PTGFR: variants seen among roughly 807,000 people sequenced by gnomAD.
PTGFR encodes the protein prostaglandin F2-alpha receptor.
PTGFR carries 15 observed loss-of-function variants against 26.2 expected under a neutral mutation model. That is an observed-to-expected ratio of 0.57 (90% CI 0.38 to 0.88). PTGFR has a LOEUF of 0.88. PTGFR is among the 40% of genes least tolerant of loss of function. PTGFR has a pLI of 0.00. For synonymous variants in PTGFR, 165 were observed against 151.1 expected, an observed-to-expected ratio of 1.09 and a Z score of -0.68; for missense variants, 369 against 427.2, an observed-to-expected ratio of 0.86 and a Z score of 1.20.
At chr1:78,519,212 C>T (rs1650167169) in intron 2 of PTGFR, among the ~76,000 whole-genome samples, 1 of 152,132 alleles carries the variant, frequency 6.6e-6, no homozygotes, top group African/African-American at 2.4e-5. Context: ...CAAGTCTATA[C>T]TTGAACCTCT....
At chr1:78,516,142 A>G (rs536164854) in intron 2 of PTGFR, among the ~76,000 whole-genome samples, 1 of 152,176 alleles carries the variant, frequency 6.6e-6, no homozygotes, top group Non-Finnish European at 1.5e-5. Flanking sequence ...CACAACTCCT[A>G]CTATATGCCA....
chr1:78,531,258 T>A (rs1338304990), intron 2 of PTGFR, among the ~76,000 whole-genome samples: 1 of 152,174 alleles, frequency 6.6e-6, no homozygotes, highest in Non-Finnish European at 1.5e-5. Context: ...GATGCAGGGA[T>A]GGCAGAGCTT....
At position 78,493,065 on chromosome 1, in the gene PTGFR, T is replaced by G; in HGVS notation, c.322T>G (p.Cys108Gly). The change falls in exon 2 of 3, where the codon TGC becomes GGC. Residue 108 changes from cysteine to glycine, a missense_variant. Coordinates refer to ENST00000370757, the MANE Select transcript of PTGFR (RefSeq NM_000959.4). ...WIRFDQSNVL[C>G]SIFGICMVFS... Reference sequence around the variant, plus strand: ...CCGCTTTGACCAATCAAATGTCCTTTGCAGTATTTTTGGTATCTGCATGGT... The same window carrying G: ...CCGCTTTGACCAATCAAATGTCCTTGGCAGTATTTTTGGTATCTGCATGGT... The G allele has an allele frequency of 1.2e-6, 2 of 1,614,268 alleles. No homozygotes were observed.
In PTGFR at chr1:78,493,284, G is replaced by A. The variant is rs1291670072; in HGVS notation, c.541G>A (p.Ala181Thr). The stretch of plus-strand genomic sequence containing the variant: ...TGGACATCGAGACTATAAAATTCAG[G>A]CGTCGAGGACCTGGTGTTTCTACAA... ...ILGHRDYKIQ[A>T]SRTWCFYNTE... Residue 181 changes from alanine to threonine, a missense_variant, in exon 2 of 3, where the codon GCG becomes ACG. Ala to Thr is a moderately conservative substitution (Grantham distance 58). Coordinates refer to ENST00000370757, the MANE Select transcript of PTGFR (RefSeq NM_000959.4). The A allele has an allele frequency of 1.2e-6, 2 of 1,614,160 alleles. No homozygotes were observed. Among genetic ancestry groups the A allele is most frequent in the Admixed American group, 3.3e-5 (2 of 60,026 alleles).
intron 2 of PTGFR, among the ~76,000 whole-genome samples, chr1:78,524,717 C>T (rs146099891): frequency 9.2e-5 from 14 of 151,986 alleles, no homozygotes; most frequent in South Asian, 8.3e-4. Context: ...TTATCTTGGG[C>T]GAATCACCTT....
At chr1:78,524,906 ATTTTTTTTTTTTTTTTTTTTT>A (rs35641651) in intron 2 of PTGFR, among the ~76,000 whole-genome samples, 2 of 70,484 alleles carry the variant, frequency 2.8e-5, no homozygotes, top group Non-Finnish European at 5.3e-5. Flanking sequence ...CAAATGCAAG[ATTTTTTTTTTTTTTTTTTTTT>A]TTTTTTTTTT....
rs373892405 is a variant in PTGFR at position 78,501,963 on chromosome 1, C to A, written c.798+8422C>A. On this transcript the variant is annotated intron_variant, in intron 2 of 2. Transcript: ENST00000370757. ...AAAGTTTATTGGTATTAATGCTGCC[C>A]ACCATCCCAATGAAAAATAATCATC... Among the ~76,000 whole-genome samples, 39 of 152,222 alleles carry A rather than the reference C, an allele frequency of 2.6e-4. 1 individual carries two copies. The South Asian group carries it at 7.9e-3, about 31-fold the overall frequency.
intron 2 of PTGFR, among the ~76,000 whole-genome samples, chr1:78,512,115 A>G (rs976993436): frequency 9.2e-5 from 14 of 152,114 alleles, no homozygotes; most frequent in African/African-American, 3.4e-4. Context: ...CAACCATTTA[A>G]TCAGTCTCTA....
chr1:78,515,860 A>G (rs1255186507), intron 2 of PTGFR, among the ~76,000 whole-genome samples: 1 of 152,208 alleles, frequency 6.6e-6, no homozygotes, highest in African/African-American at 2.4e-5. Context: ...GAAAAGTTCA[A>G]GAAAAATGCA....
Position 78,507,957 on chromosome 1 carries a change from T to C in PTGFR, c.798+14416T>C, listed in dbSNP as rs114274057. On this transcript the variant is annotated intron_variant, in intron 2 of 2. Coordinates refer to ENST00000370757, the MANE Select transcript of PTGFR (RefSeq NM_000959.4). The stretch of plus-strand genomic sequence containing the variant: ...ACTTTATTCTATTTTGTTTTCTTCA[T>C]TTACTTGTATAAAGAAGGAGTTTGA... Among the ~76,000 whole-genome samples, 125 of 152,360 alleles carry C rather than the reference T, an allele frequency of 8.2e-4. 1 individual carries two copies. Among genetic ancestry groups the C allele is most frequent in the African/African-American group, 2.3e-3 (96 of 41,594 alleles).
chr1:78,511,517 A>G (rs1338688206), intron 2 of PTGFR, among the ~76,000 whole-genome samples: 1 of 150,854 alleles, frequency 6.6e-6, no homozygotes, highest in Non-Finnish European at 1.5e-5. Context: ...GTGAGGCTGC[A>G]CATGGCAGTG....
chr1:78,502,381 C>A (rs549096193), intron 2 of PTGFR, among the ~76,000 whole-genome samples: 2 of 152,218 alleles, frequency 1.3e-5, no homozygotes, highest in East Asian at 3.9e-4. Flanking sequence ...GTGTCTGTAG[C>A]CACTCTGTGC....
In PTGFR at chr1:78,492,777, C is replaced by T. The variant is rs2100343890; in HGVS notation, c.34C>T (p.Pro12Ser). Reference protein sequence around the residue: ...SMNNSKQLVSPAAALLSNTTC... With the variant: ...SMNNSKQLVSSAAALLSNTTC... ...GAACAATTCCAAACAGCTAGTGTCT[C>T]CTGCAGCTGCGCTTCTTTCAAACAC... The change falls in exon 2 of 3, where the codon CCT (proline) becomes TCT (serine). Residue 12 changes from proline to serine, a missense_variant. By Grantham distance (74) the Pro-to-Ser change is moderately conservative. Transcript: ENST00000370757. The T allele has an allele frequency of 2.5e-6, 4 of 1,614,020 alleles. No homozygotes were observed. Among genetic ancestry groups the T allele is most frequent in the Non-Finnish European group, 3.4e-6 (4 of 1,179,942 alleles).
chr1:78,500,684 G>GAGCCTACCTTAGGTA (rs1323380910), intron 2 of PTGFR, among the ~76,000 whole-genome samples: 1 of 152,210 alleles, frequency 6.6e-6, no homozygotes, highest in Non-Finnish European at 1.5e-5. Flanking sequence ...ATTGCCTCCA[G>GAGCCTACCTTAGGTA]AGCCTACCTT....
chr1:78,525,464 G>A (rs530171609), intron 2 of PTGFR, among the ~76,000 whole-genome samples: 4 of 152,118 alleles, frequency 2.6e-5, no homozygotes, highest in African/African-American at 9.6e-5. Context: ...GTCTGGGTGG[G>A]TCCCAAACAC....
At chr1:78,516,785 A>T (rs1027162740) in intron 2 of PTGFR, among the ~76,000 whole-genome samples, 3 of 152,014 alleles carry the variant, frequency 2.0e-5, no homozygotes, top group Non-Finnish European at 4.4e-5. Context: ...TTTCTCTCCT[A>T]TTCTGTCATT....
chr1:78,522,226 T>C (rs1390469781), intron 2 of PTGFR, among the ~76,000 whole-genome samples: 8 of 152,018 alleles, frequency 5.3e-5, no homozygotes, highest in African/African-American at 1.4e-4. Flanking sequence ...AAATGTGCAG[T>C]GAATCCTTCT....
At chr1:78,515,045 T>C (rs1389986624) in intron 2 of PTGFR, among the ~76,000 whole-genome samples, 1 of 151,920 alleles carries the variant, frequency 6.6e-6, no homozygotes, top group African/African-American at 2.4e-5. Flanking sequence ...CAGTTTCAGG[T>C]ATTTTTTTTT....
At position 78,536,994 on chromosome 1, in the gene PTGFR, C is replaced by T; in HGVS notation, c.*307C>T. ...GTGAATCATCTGTTGAGGTCTAATG[C>T]CTTTACTTGGCCTATTTGCCAGAGA... On this transcript the variant is annotated 3_prime_UTR_variant, in exon 3 of 3. Transcript: ENST00000370757. The T allele has an allele frequency of 3.4e-6, 1 of 290,370 alleles. No individual in the cohort carries two copies. The highest frequency in any genetic ancestry group is 6.4e-6 in the Non-Finnish European group (1 of 157,086). 18.0% of individuals were successfully genotyped at this position (290,370 alleles called of 1,614,324 possible).
Sources: gnomAD v4.1 joint callset for allele counts (sites outside exome capture counted in the v4.1 genomes callset) on GRCh38, gnomAD v4.1.1 for gene constraint, MANE v1.5 for transcripts, NCBI Gene and HGNC (gene_info 2026-07-23, HGNC 2026-07-21) for gene names.